Variants in ISM1 observed in about 807,000 individuals in gnomAD.
ISM1 encodes isthmin 1, also known as isthmin-1.
A neutral mutation model predicts 46.3 loss-of-function variants in ISM1; 25 were observed. The observed-to-expected ratio is 0.54, with a 90% CI of 0.39 to 0.75. The LOEUF (loss-of-function observed/expected upper bound fraction) is 0.75. Ranked by LOEUF, ISM1 falls within the 30% of genes least tolerant of loss-of-function variation. ISM1 has a pLI of 0.00. For synonymous variants in ISM1, 255 were observed against 256.7 expected (o/e 0.99, Z 0.06); for missense variants, 536 against 625.4 (o/e 0.86, Z 1.52).
chr20:13,267,957 A>G (rs1341880335), intron 1 of ISM1, among the ~76,000 whole-genome samples: 1 of 152,230 alleles, frequency 6.6e-6, no homozygotes, highest in East Asian at 1.9e-4. Flanking sequence ...ATTCTCCATG[A>G]CAATCTAACT....
chr20:13,302,791 AACAGTGGTAAACAGAGATGCCC>A (rs1408046219), downstream of ISM1, among the ~76,000 whole-genome samples: 7 of 152,182 alleles, frequency 4.6e-5, no homozygotes, highest in Non-Finnish European at 1.5e-5. Context: ...ATCTGAACAC[AACAGTGGTAAACAGAGATGCCC>A]ACGGCCCTCT....
chr20:13,317,775 T>G, the ISM1 span, among the ~76,000 whole-genome samples: 1 of 152,114 alleles, frequency 6.6e-6, no homozygotes, highest in Non-Finnish European at 1.5e-5. Flanking sequence ...CTTTATACCC[T>G]TCACAAAAAT....
intron 1 of ISM1, among the ~76,000 whole-genome samples, chr20:13,233,024 C>CAAA (rs35520629): frequency 4.2e-5 from 6 of 142,226 alleles, no homozygotes; most frequent in African/African-American, 1.3e-4. Flanking sequence ...GATGCTGGAC[C>CAAA]AAAAAAAAAA....
intron 1 of ISM1, among the ~76,000 whole-genome samples, chr20:13,265,264 C>G (rs558332863): frequency 6.6e-6 from 1 of 152,130 alleles, no homozygotes; most frequent in Admixed American, 6.5e-5. Context: ...CGTTTACAAG[C>G]CTTTTTTATT....
chr20:13,305,185 T>C (rs995237453), downstream of ISM1, among the ~76,000 whole-genome samples: 6 of 137,126 alleles, frequency 4.4e-5, no homozygotes, highest in Non-Finnish European at 9.2e-5. Context: ...TAGATTTTAA[T>C]ACCGTTGAGT....
chr20:13,308,769 C>T, the ISM1 span, among the ~76,000 whole-genome samples: 52 of 152,152 alleles, frequency 3.4e-4, no homozygotes, highest in Middle Eastern at 3.4e-3. Context: ...AATCCTAACC[C>T]CCAAAGTTAT....
the ISM1 span, among the ~76,000 whole-genome samples, chr20:13,306,244 G>A: frequency 1.3e-5 from 2 of 152,092 alleles, no homozygotes; most frequent in African/African-American, 2.4e-5. Context: ...TTTCAAGCCT[G>A]ACTTTTAAAA....
At chr20:13,252,342 A>G (rs558173071) in intron 1 of ISM1, among the ~76,000 whole-genome samples, 40 of 152,338 alleles carry the variant, frequency 2.6e-4, no homozygotes, top group South Asian at 1.9e-3. Flanking sequence ...TACATGAATC[A>G]TTGCTTTAAT....
chr20:13,231,547 A>G (rs893022793), intron 1 of ISM1, among the ~76,000 whole-genome samples: 29 of 152,012 alleles, frequency 1.9e-4, no homozygotes, highest in African/African-American at 6.8e-4. Flanking sequence ...TGAGGCATCA[A>G]CTCCCTGAGC....
intron 1 of ISM1, among the ~76,000 whole-genome samples, chr20:13,254,240 A>AATAC (rs2039901908): frequency 6.6e-6 from 1 of 151,624 alleles, no homozygotes; most frequent in African/African-American, 2.4e-5. Flanking sequence ...CTCAAAAATA[A>AATAC]ATAAATAAAT....
intron 1 of ISM1, among the ~76,000 whole-genome samples, chr20:13,246,346 T>C (rs2039794182): frequency 5.3e-5 from 8 of 151,868 alleles, no homozygotes; most frequent in Admixed American, 5.2e-4. Flanking sequence ...CACAGCATGG[T>C]TCATCCACTG....
chr20:13,269,645 T>C (rs979476696), intron 1 of ISM1, among the ~76,000 whole-genome samples: 4 of 152,178 alleles, frequency 2.6e-5, no homozygotes, highest in African/African-American at 9.6e-5. Flanking sequence ...GGGTGCCACC[T>C]TCTCTTGTTA....
intron 1 of ISM1, among the ~76,000 whole-genome samples, chr20:13,261,437 A>G (rs1355770396): frequency 6.6e-6 from 1 of 152,096 alleles, no homozygotes; most frequent in Non-Finnish European, 1.5e-5. Flanking sequence ...AAAAAAAAAA[A>G]AAGAAAAAAG....
Position 13,299,197 on chromosome 20 carries a change from C to T in ISM1, c.1133C>T (p.Thr378Ile). 1 of 1,604,036 alleles carries T rather than the reference C, an allele frequency of 6.2e-7. No homozygotes were observed. The highest frequency in any genetic ancestry group is 8.5e-7 in the Non-Finnish European group (1 of 1,175,326). Residue 378 changes from threonine to isoleucine, a missense_variant, in exon 6 of 6, where the codon ACC (threonine) becomes ATC (isoleucine). By Grantham distance (89) the Thr-to-Ile change is moderately conservative. This residue lies in a region of ISM1 where 169 missense variants were observed against 249.3 expected (regional missense o/e 0.68). Transcript: ENST00000262487. The surrounding 1 kb of genome is among the most constrained non-coding windows in gnomAD (Gnocchi z 5.8). ...CIRSMLSLES[T>I]TLAAQHCCYG... ...CGCTCCATGCTGTCCCTGGAGAGCA[C>T]CACGCTGGCGGCACAGCACTGCTGC...
intron 2 of ISM1, among the ~76,000 whole-genome samples, chr20:13,275,348 C>CT (rs1376310373): frequency 6.6e-6 from 1 of 152,152 alleles, no homozygotes; most frequent in Non-Finnish European, 1.5e-5. Context: ...TTGCCTCCTC[C>CT]TTTTTCTCTA....
chr20:13,279,933 G>A, intron 3 of ISM1, 35 bp downstream of exon 3: 6 of 1,595,744 alleles, frequency 3.8e-6, no homozygotes, highest in Non-Finnish European at 4.3e-6. Flanking sequence ...AAATTGGTGG[G>A]AAGAATAAAC....
At chr20:13,222,972 G>A (rs541769243) in intron 1 of ISM1, among the ~76,000 whole-genome samples, 8 of 152,158 alleles carry the variant, frequency 5.3e-5, no homozygotes, top group African/African-American at 1.9e-4. Context: ...AGACTATCCT[G>A]GCCGACATGG....
intron 3 of ISM1, among the ~76,000 whole-genome samples, chr20:13,284,418 C>T (rs1207894865): frequency 2.0e-5 from 3 of 152,344 alleles, no homozygotes; most frequent in Non-Finnish European, 2.9e-5. Context: ...GCTGTCAAAG[C>T]ACCATATAGA....
At position 13,288,529 on chromosome 20, in the gene ISM1, C is replaced by T. The variant is rs776148258; in HGVS notation, c.644-11C>T. 1.2e-6 allele frequency: 2 copies of T among 1,612,756 alleles called. No individual in the cohort carries two copies. The highest frequency in any genetic ancestry group is 2.2e-5 in the South Asian group (2 of 90,950). On this transcript the variant is annotated splice_polypyrimidine_tract_variant and intron_variant, in intron 3 of 5. Transcript: ENST00000262487. ...CCAAAGTTGATGACCATCTCCCTGG[C>T]TGTCTTCCAGATTCCACAGATGGCG... is the stretch of plus-strand genomic sequence containing the variant.
Sources: gnomAD v4.1 joint callset for allele counts (sites outside exome capture counted in the v4.1 genomes callset) on GRCh38, gnomAD v4.1.1 for gene constraint, gnomAD v4.1.1 regional missense constraint, Gnocchi (gnomAD v3.1) non-coding constraint, MANE v1.5 for transcripts, NCBI Gene and HGNC (gene_info 2026-07-23, HGNC 2026-07-21) for gene names.